The following AFTPH variants were observed in gnomAD, a reference collection of about 807,000 sequenced individuals.
AFTPH encodes the protein aftiphilin.
Under a neutral mutation model 72.5 loss-of-function variants are expected in AFTPH, and 7 were observed. The ratio of observed to expected loss-of-function variants is 0.10; its 90% CI spans 0.05 to 0.18. The LOEUF (loss-of-function observed/expected upper bound fraction) is 0.18, where lower values mean the gene tolerates loss of function less well. Among genes scored for constraint, AFTPH ranks in the 10% least tolerant of loss-of-function variants. The pLI, the probability that AFTPH is intolerant of heterozygous loss-of-function variation, is 1.00. For synonymous variants in AFTPH, 337 were observed against 370.1 expected (o/e 0.91, Z 1.03); for missense variants, 979 against 1,060.5 (o/e 0.92, Z 1.07).
chr2:64,525,936 C>A (rs1669234418), intron 1 of AFTPH, among the ~76,000 whole-genome samples: 1 of 152,204 alleles, frequency 6.6e-6, no homozygotes, highest in Admixed American at 6.5e-5. Flanking sequence ...TGGCACCTAG[C>A]AGATATTCAT....
intron 8 of AFTPH, 108 bp from the exon 10 acceptor site, chr2:64,591,780 T>C: frequency 8.2e-7 from 1 of 1,223,472 alleles, no homozygotes; most frequent in East Asian, 2.4e-5. Flanking sequence ...GAAAAAATAC[T>C]CAAGTCCCCA....
intron 8 of AFTPH, among the ~76,000 whole-genome samples, chr2:64,591,394 G>A (rs893760995): frequency 2.6e-5 from 4 of 152,198 alleles, no homozygotes; most frequent in African/African-American, 9.6e-5. Context: ...TTTCTCTCCT[G>A]GAATTCCCCA....
At chr2:64,546,214 A>G (rs901126496) in intron 1 of AFTPH, among the ~76,000 whole-genome samples, 1 of 151,950 alleles carries the variant, frequency 6.6e-6, no homozygotes, top group Non-Finnish European at 1.5e-5. Context: ...AATGGTAACA[A>G]TTTAACAAAG....
At position 64,534,074 on chromosome 2, in the gene AFTPH, GTT is replaced by G. The variant is rs1241598684; in HGVS notation, c.-33+9466_-33+9467del. ...TGCCTTAGCCACCCTCCCAAGTGAGGTTTTTGGTGTTTTCTTCTTGGTGATTG... is the reference window on the plus strand; with the variant it reads ...TGCCTTAGCCACCCTCCCAAGTGAGGTTTGGTGTTTTCTTCTTGGTGATTG... On this transcript the variant is annotated intron_variant, in intron 1 of 8. Coordinates refer to ENST00000238856, the Ensembl canonical transcript of AFTPH. 9.2e-5 allele frequency among the ~76,000 whole-genome samples: 14 copies of G among 152,062 alleles called. No homozygotes were observed. The South Asian group carries it at 2.7e-3, about 29-fold the overall frequency.
At chr2:64,553,479 A>G in intron 2 of AFTPH, 70 bp downstream of exon 2, 3 of 1,469,104 alleles carry the variant, frequency 2.0e-6, no homozygotes, top group Non-Finnish European at 2.7e-6. Flanking sequence ...TCAGCTTTTC[A>G]AAAAATATTT....
At chr2:64,546,158 G>A (rs1329492643) in intron 1 of AFTPH, among the ~76,000 whole-genome samples, 7 of 151,330 alleles carry the variant, frequency 4.6e-5, no homozygotes, top group African/African-American at 7.3e-5. Flanking sequence ...CTCCCAAAGC[G>A]CTGGGATTAC....
chr2:64,579,434 C>T (rs535555871), intron 6 of AFTPH, 52 bp from the exon 7 acceptor site: 22 of 1,417,204 alleles, frequency 1.6e-5, no homozygotes, highest in East Asian at 4.7e-5. Flanking sequence ...GGATTCTTTA[C>T]GTTGCTACAA....
intron 1 of AFTPH, among the ~76,000 whole-genome samples, chr2:64,540,808 C>CTA (rs970235190): frequency 1.3e-5 from 2 of 152,104 alleles, no homozygotes; most frequent in African/African-American, 4.8e-5. Context: ...ATATTTTGTA[C>CTA]TATATACACT....
chr2:64,567,331 G>T (rs1672147276), intron 2 of AFTPH, among the ~76,000 whole-genome samples: 1 of 152,094 alleles, frequency 6.6e-6, no homozygotes, highest in African/African-American at 2.4e-5. Flanking sequence ...TATATTGCTT[G>T]GCATGTTGCT....
intron 1 of AFTPH, among the ~76,000 whole-genome samples, chr2:64,537,844 T>C (rs1004693834): frequency 1.3e-5 from 2 of 152,230 alleles, no homozygotes; most frequent in African/African-American, 4.8e-5. Flanking sequence ...AATTTAAGAA[T>C]GCATTTTGTC....
chr2:64,552,875 C>T, exon 2 of AFTPH: 1 of 1,614,172 alleles, frequency 6.2e-7, no homozygotes, highest in Non-Finnish European at 8.5e-7. Flanking sequence ...CTTCAGAGCA[C>T]TTTCCACATT....
chr2:64,591,992 C>T lies in AFTPH; in HGVS notation c.2687C>T (p.Thr896Met), dbSNP rs974501444. Residue 896 changes from threonine (T) to methionine (M), a missense_variant, in exon 9 of 9, where the codon ACG (threonine) becomes ATG (methionine). Thr to Met is a moderately conservative substitution (Grantham distance 81). Coordinates refer to ENST00000238856, the Ensembl canonical transcript of AFTPH. ...GCCAAGGTGTTGATGTTCCCAGCCACGTTAACACCTTCCACAAGCTCTCAA... is the reference window on the plus strand; with the variant it reads ...GCCAAGGTGTTGATGTTCCCAGCCATGTTAACACCTTCCACAAGCTCTCAA... The T allele has an allele frequency of 9.3e-6, 15 of 1,613,666 alleles. No homozygotes were observed. The highest frequency in any genetic ancestry group is 4.5e-5 in the East Asian group (2 of 44,892).
chr2:64,544,943 A>C (rs1029278415), intron 1 of AFTPH, among the ~76,000 whole-genome samples: 15 of 152,198 alleles, frequency 9.9e-5, no homozygotes, highest in Non-Finnish European at 2.2e-4. Context: ...CTAGAAGGCC[A>C]ATAAAGCCTG....
chr2:64,565,922 G>A (rs949946407), intron 2 of AFTPH, among the ~76,000 whole-genome samples: 1 of 152,206 alleles, frequency 6.6e-6, no homozygotes, highest in Non-Finnish European at 1.5e-5. Context: ...GCAGTTATGT[G>A]TAACATTGCC....
chr2:64,574,047 C>G (rs1013704921), intron 6 of AFTPH, among the ~76,000 whole-genome samples: 3 of 152,190 alleles, frequency 2.0e-5, no homozygotes, highest in Admixed American at 1.3e-4. Context: ...AAAGTCTTCT[C>G]TCACTTTTTG....
intron 2 of AFTPH, among the ~76,000 whole-genome samples, chr2:64,565,021 T>C (rs1671979548): frequency 6.6e-6 from 1 of 151,858 alleles, no homozygotes; most frequent in South Asian, 2.1e-4. Flanking sequence ...GTATTTTTAG[T>C]AGAGACGGGG....
chr2:64,552,375 G>A lies in AFTPH; in HGVS notation c.901G>A (p.Glu301Lys), dbSNP rs3770740. Residue 301 changes from glutamate (E) to lysine (K), a missense_variant, in exon 2 of 9, where the codon GAA becomes AAA. Glu to Lys is a moderately conservative substitution (Grantham distance 56). Around this residue, in one of 3 missense-constraint regions of AFTPH, gnomAD observed 498 missense variants for 467.6 expected, o/e 1.06. Coordinates refer to ENST00000238856, the Ensembl canonical transcript of AFTPH. ...TGGAGAGGATCAGGTTTGTGTTTCA[G>A]AAATAAGCATAGTGACTAACAGAGG... 0.033 allele frequency: 52,840 copies of A among 1,613,886 alleles called. 7,021 individuals carry two copies. The African/African-American group carries it at 0.36, about 11-fold the overall frequency.
At chr2:64,558,552 A>G (rs1167505158) in intron 2 of AFTPH, among the ~76,000 whole-genome samples, 1 of 152,224 alleles carries the variant, frequency 6.6e-6, no homozygotes, top group Admixed American at 6.5e-5. Context: ...AGTGAGTGAC[A>G]TCACTCATAG....
chr2:64,579,867 C>T (rs1673064972), intron 7 of AFTPH: 1 of 217,656 alleles, frequency 4.6e-6, no homozygotes, highest in African/African-American at 2.3e-5. Context: ...GAATTTTTTT[C>T]TGTAAGTTTT....
Sources: gnomAD v4.1 joint callset for allele counts (sites outside exome capture counted in the v4.1 genomes callset) on GRCh38, gnomAD v4.1.1 for gene constraint, gnomAD v4.1.1 regional missense constraint, MANE v1.5 for transcripts, NCBI Gene and HGNC (gene_info 2026-07-23, HGNC 2026-07-21) for gene names.